Variants in FMNL2 observed in about 807,000 individuals in gnomAD.
FMNL2 encodes formin like 2, also known as formin-like protein 2.
Under a neutral mutation model 130.2 loss-of-function variants are expected in FMNL2, and 51 were observed. The observed-to-expected ratio is 0.39, with a 90% CI of 0.31 to 0.49. The LOEUF (loss-of-function observed/expected upper bound fraction) is 0.49, where lower values mean the gene tolerates loss of function less well. Ranked by LOEUF, FMNL2 falls within the 20% of genes least tolerant of loss-of-function variation. FMNL2 has a pLI of 0.85. For missense variants in FMNL2, 977 were observed against 1,316.2 expected (o/e 0.74, Z 3.99); for synonymous variants, 465 against 467.1 (o/e 1.00, Z 0.06).
intron 1 of FMNL2, among the ~76,000 whole-genome samples, chr2:152,465,667 A>C (rs996985535): frequency 3.0e-4 from 46 of 152,332 alleles, no homozygotes; most frequent in African/African-American, 9.6e-4. Flanking sequence ...AGCAGTTGGC[A>C]TAAGTAGGGG....
In FMNL2 at chr2:152,587,752, CACTT is replaced by C. The variant is rs546172910; in HGVS notation, c.876+6707_876+6710del. ...TGATTGTTAAGGGATGAGTCATACTCACTTACTGAAAAAAATGTGAGTGCTTTCT... is the reference window on the plus strand; with the variant it reads ...TGATTGTTAAGGGATGAGTCATACTCACTGAAAAAAATGTGAGTGCTTTCT... On this transcript the variant is annotated intron_variant, in intron 9 of 25. Transcript: ENST00000288670. Among the ~76,000 whole-genome samples the C allele has an allele frequency of 4.6e-4, 70 of 152,216 alleles. 1 individual carries two copies. The highest frequency in any genetic ancestry group is 8.5e-4 in the Non-Finnish European group (58 of 68,022).
At chr2:152,503,901 ACAAT>A (rs1242219854) in intron 1 of FMNL2, among the ~76,000 whole-genome samples, 2 of 152,202 alleles carry the variant, frequency 1.3e-5, no homozygotes, top group Non-Finnish European at 2.9e-5. Context: ...ACAATGAAGA[ACAAT>A]CAAGCTGGGC....
intron 3 of FMNL2, among the ~76,000 whole-genome samples, chr2:152,545,114 CTT>C (rs779786392): frequency 5.9e-5 from 9 of 152,138 alleles, no homozygotes; most frequent in Admixed American, 2.0e-4. Flanking sequence ...ACCACCCCTG[CTT>C]TAGTAAGATT....
chr2:152,566,473 C>T (rs947836854), intron 6 of FMNL2, among the ~76,000 whole-genome samples: 7 of 151,910 alleles, frequency 4.6e-5, no homozygotes, highest in Non-Finnish European at 8.8e-5. Flanking sequence ...TGCCTTGGGT[C>T]GAACAGTAAG....
intron 1 of FMNL2, among the ~76,000 whole-genome samples, chr2:152,452,019 A>G (rs1055216036): frequency 2.0e-5 from 3 of 152,142 alleles, no homozygotes; most frequent in Admixed American, 2.0e-4. Flanking sequence ...ATTGATTTGT[A>G]TGCCCATTTC....
chr2:152,349,063 C>T (rs542149639), intron 1 of FMNL2, among the ~76,000 whole-genome samples: 3 of 125,838 alleles, frequency 2.4e-5, no homozygotes, highest in Non-Finnish European at 5.2e-5. Context: ...TCTCGATCTC[C>T]TGACCTCATG....
intron 1 of FMNL2, among the ~76,000 whole-genome samples, chr2:152,461,003 T>C (rs955241385): frequency 1.3e-5 from 2 of 152,190 alleles, no homozygotes; most frequent in Non-Finnish European, 2.9e-5. Context: ...CACTACCTGG[T>C]CCATGGAAAA....
chr2:152,469,123 T>C (rs1273625096), intron 1 of FMNL2, among the ~76,000 whole-genome samples: 1 of 152,228 alleles, frequency 6.6e-6, no homozygotes, highest in Non-Finnish European at 1.5e-5. Context: ...CGCTGTTGAT[T>C]CGTTTTTCTT....
chr2:152,642,305 A>G (rs567411001), intron 25 of FMNL2, among the ~76,000 whole-genome samples: 20 of 152,286 alleles, frequency 1.3e-4, no homozygotes, highest in Non-Finnish European at 2.5e-4. Flanking sequence ...CAAAACCACA[A>G]ATTTTTTTCT....
At chr2:152,402,894 CGGTCCG>C (rs1685784970) in intron 1 of FMNL2, among the ~76,000 whole-genome samples, 2 of 152,246 alleles carry the variant, frequency 1.3e-5, no homozygotes, top group Non-Finnish European at 2.9e-5. Flanking sequence ...TGTTCTTTTT[CGGTCCG>C]GGGATCCCAT....
intron 22 of FMNL2, among the ~76,000 whole-genome samples, chr2:152,636,946 G>C (rs1682664354): frequency 6.6e-6 from 1 of 152,104 alleles, no homozygotes; most frequent in Admixed American, 6.5e-5. Flanking sequence ...TCTTGTCCTT[G>C]AAAATCTTAC....
chr2:152,604,742 C>T (rs1454215496), intron 9 of FMNL2, among the ~76,000 whole-genome samples: 1 of 152,090 alleles, frequency 6.6e-6, no homozygotes, highest in Non-Finnish European at 1.5e-5. Flanking sequence ...ATTACAGGTG[C>T]ATGCCACCAC....
chr2:152,505,079 T>C (rs1692083014), intron 1 of FMNL2, among the ~76,000 whole-genome samples: 1 of 152,250 alleles, frequency 6.6e-6, no homozygotes, highest in South Asian at 2.1e-4. Context: ...ATTTCTGTCC[T>C]GTGTATGTTA....
At chr2:152,645,705 C>T (rs181386098) in intron 25 of FMNL2, among the ~76,000 whole-genome samples, 151 of 151,906 alleles carry the variant, frequency 9.9e-4, no homozygotes, top group Non-Finnish European at 1.4e-3. Flanking sequence ...CTTTTAAGTT[C>T]TAAGTGTGAT....
rs371038745 is a variant in FMNL2 at position 152,463,958 on chromosome 2, A to G, written c.118-57985A>G. ...TGTGTATGTGTGTGTTTTGAGATGG[A>G]GTCTCGCTCTATCACCCAAGCTGGA... On this transcript the variant is annotated intron_variant, in intron 1 of 25. Transcript: ENST00000288670. Among the ~76,000 whole-genome samples the G allele has an allele frequency of 8.5e-5, 13 of 152,182 alleles. No individual in the cohort carries two copies. In the East Asian group the frequency reaches 2.3e-3, roughly 27 times the overall value.
intron 6 of FMNL2, among the ~76,000 whole-genome samples, chr2:152,568,352 A>T (rs112498559): frequency 2.1e-3 from 317 of 151,846 alleles, no homozygotes; most frequent in African/African-American, 7.2e-3. Context: ...AGTAGCTAGG[A>T]TTACAAGCAC....
rs1193540665 is a variant in FMNL2 at position 152,649,621 on chromosome 2, C to G, written c.*1716C>G. 1 of 152,622 alleles carries G rather than the reference C, an allele frequency of 6.6e-6. No homozygotes were observed. The highest frequency in any genetic ancestry group is 1.5e-5 in the Non-Finnish European group (1 of 68,038). The allele number at this position is 152,622 out of a possible 1,614,324, so 9.5% of individuals were successfully genotyped here. On this transcript the variant is annotated 3_prime_UTR_variant, in exon 26 of 26. Transcript: ENST00000288670. ...ACTTCCACTACAAAGCAGCTGTTTT[C>G]CAAAGTTCAATGCTGACATATATGT...
intron 1 of FMNL2, among the ~76,000 whole-genome samples, chr2:152,353,513 A>G (rs1216437445): frequency 1.3e-5 from 2 of 152,224 alleles, no homozygotes; most frequent in Non-Finnish European, 2.9e-5. Flanking sequence ...TAGAAAGCCC[A>G]CAGTCTTTTC....
At chr2:152,621,300 C>G (rs908725605) in intron 15 of FMNL2, among the ~76,000 whole-genome samples, 2 of 152,188 alleles carry the variant, frequency 1.3e-5, no homozygotes, top group African/African-American at 4.8e-5. Context: ...ACCTCAGAAC[C>G]GCCTTAGCCG....
Sources: allele counts gnomAD v4.1 joint callset (sites outside exome capture counted in the v4.1 genomes callset), GRCh38; gene constraint gnomAD v4.1.1; transcripts MANE v1.5; gene names NCBI Gene and HGNC (gene_info 2026-07-23, HGNC 2026-07-21).